The following PSMD4 variants were observed in gnomAD, a reference collection of about 807,000 sequenced individuals.
The protein encoded by PSMD4 is proteasome 26S subunit ubiquitin receptor, non-ATPase 4, also known as 26S proteasome non-ATPase regulatory subunit 4.
PSMD4 carries 5 observed loss-of-function variants against 39.7 expected under a neutral mutation model. The observed-to-expected ratio is 0.13, with a 90% CI of 0.07 to 0.26. The LOEUF is 0.26. Among genes scored for constraint, PSMD4 ranks in the 10% least tolerant of loss-of-function variants. The probability of loss-of-function intolerance (pLI) is 1.00; values close to 1 mark genes in which losing one functional copy is unlikely to be tolerated. For synonymous variants in PSMD4, 143 were observed against 174.6 expected (o/e 0.82, Z 1.43); for missense variants, 272 against 486.1 (o/e 0.56, Z 4.14).
At chr1:151,258,459 T>C (rs955727993) in intron 1 of PSMD4, among the ~76,000 whole-genome samples, 4 of 108,094 alleles carry the variant, frequency 3.7e-5, no homozygotes, top group Admixed American at 3.0e-4. Context: ...GTGTTTTTTT[T>C]TTTTTTTTTT....
Position 151,262,227 on chromosome 1 carries a change from T to C in PSMD4, c.93T>C (p.Asp31=). ...FLPTRLQAQQ[D]AVNIVCHSKT... The stretch of plus-strand genomic sequence containing the variant: ...CCACCAGGCTGCAGGCCCAGCAGGA[T>C]GCTGTCAACATAGTTTGTCATTCAA... Residue 31 remains aspartate, a synonymous_variant, in exon 2 of 10, where the codon GAT becomes GAC. Coordinates refer to ENST00000368884, the MANE Select transcript of PSMD4 (RefSeq NM_002810.4). The C allele has an allele frequency of 6.2e-7, 1 of 1,614,204 alleles. No homozygotes were observed. Among genetic ancestry groups the C allele is most frequent in the Non-Finnish European group, 8.5e-7 (1 of 1,180,036 alleles).
rs144527399 is a variant in PSMD4, at chr1:151,265,219, C to T, written c.423C>T (p.Ile141=). Residue 141 remains isoleucine, a synonymous_variant, in exon 5 of 10, where the codon ATC becomes ATT. Coordinates refer to ENST00000368884, the MANE Select transcript of PSMD4 (RefSeq NM_002810.4). The part of the protein sequence containing the change: ...LKKEKVNVDI[I]NFGEEEVNTE... ...AGGAGAAAGTAAATGTTGACATTAT[C>T]AATTTTGGGGAAGAGGTGAGTAGGG... 3 of 1,613,284 alleles carry T rather than the reference C, an allele frequency of 1.9e-6. No homozygotes were observed. Among genetic ancestry groups the T allele is most frequent in the African/African-American group, 2.7e-5 (2 of 74,868 alleles).
intron 6 of PSMD4, 51 bp from the exon 7 acceptor site, chr1:151,265,953 C>T: frequency 6.6e-7 from 1 of 1,516,928 alleles, no homozygotes; most frequent in South Asian, 1.3e-5. Context: ...TTCCCAGCTC[C>T]CTGTAGGAGT....
intron 2 of PSMD4, among the ~76,000 whole-genome samples, chr1:151,263,388 C>T (rs888619778): frequency 1.3e-5 from 2 of 152,014 alleles, no homozygotes; most frequent in African/African-American, 4.8e-5. Flanking sequence ...TACTTGAACC[C>T]GGGAGGCGGA....
At chr1:151,265,088 G>A in intron 4 of PSMD4, 78 bp from the exon 5 acceptor site, 1 of 1,382,040 alleles carries the variant, frequency 7.2e-7, no homozygotes, top group South Asian at 1.3e-5. Flanking sequence ...ATAGATTTCT[G>A]TATGCTTTTA....
chr1:151,264,099 C>A, intron 3 of PSMD4, 71 bp downstream of exon 3: 1 of 1,182,908 alleles, frequency 8.5e-7, no homozygotes, highest in Non-Finnish European at 1.2e-6. Flanking sequence ...ACTCATTTCT[C>A]CCCTGGAATC....
chr1:151,263,308 A>G (rs1693352088), intron 2 of PSMD4, among the ~76,000 whole-genome samples: 1 of 152,046 alleles, frequency 6.6e-6, no homozygotes, highest in Admixed American at 6.6e-5. Context: ...TACTAAAAAT[A>G]CAAAAATTAG....
intron 1 of PSMD4, among the ~76,000 whole-genome samples, chr1:151,256,361 AAT>A (rs1411970464): frequency 1.9e-3 from 53 of 27,362 alleles, no homozygotes; most frequent in South Asian, 4.0e-3. Context: ...AAAAAATAAT[AAT>A]AAAATAAATA....
At chr1:151,264,728 A>T (rs587722204) in intron 3 of PSMD4, 104 bp from the exon 4 acceptor site, 1 of 855,780 alleles carries the variant, frequency 1.2e-6, no homozygotes, top group Admixed American at 2.0e-5. Flanking sequence ...TAGATGGTGT[A>T]CTTCAGGTAC....
Position 151,264,017 on chromosome 1 carries a change from C to T in PSMD4, c.271C>T (p.Arg91Cys), listed in dbSNP as rs1292583615. 11 of 1,596,404 alleles carry T rather than the reference C, an allele frequency of 6.9e-6. No homozygotes were observed. The highest frequency in any genetic ancestry group is 3.4e-5 in the Admixed American group (2 of 58,024). ...CAAGATCACCTTCTGCACGGGCATCCGCGTGGCCCATGTGAGTCCTACTGG... is the reference window on the plus strand; with the variant it reads ...CAAGATCACCTTCTGCACGGGCATCTGCGTGGCCCATGTGAGTCCTACTGG... ...KGKITFCTGI[R>C]VAHLALKHRQ... is the part of the protein sequence containing the mutation. Residue 91 changes from arginine (R) to cysteine (C), a missense_variant, in exon 3 of 10, where the codon CGC becomes TGC. By Grantham distance (180) the Arg-to-Cys change is radical (BLOSUM62 -3). Coordinates refer to ENST00000368884, the MANE Select transcript of PSMD4 (RefSeq NM_002810.4).
chr1:151,266,488 T>C (rs1482255883), intron 8 of PSMD4, 32 bp from the exon 9 acceptor site: 2 of 1,614,026 alleles, frequency 1.2e-6, no homozygotes, highest in African/African-American at 1.3e-5. Flanking sequence ...GGTGAGGAAG[T>C]GTAACTGAAC....
intron 2 of PSMD4, 86 bp from the exon 3 acceptor site, chr1:151,263,828 T>G (rs1693369797): frequency 2.0e-6 from 2 of 997,918 alleles, no homozygotes; most frequent in Non-Finnish European, 1.5e-6. Flanking sequence ...AGACTCCGTC[T>G]AAAAAATAAA....
At chr1:151,262,350 A>C (rs1455682832) in intron 2 of PSMD4, 49 bp downstream of exon 2, 1 of 1,606,738 alleles carries the variant, frequency 6.2e-7, no homozygotes, top group Admixed American at 1.7e-5. Flanking sequence ...TGGTTGTTAC[A>C]TGCTACTCTT....
intron 2 of PSMD4, among the ~76,000 whole-genome samples, chr1:151,263,205 T>C (rs1417823293): frequency 3.3e-5 from 5 of 152,198 alleles, no homozygotes; most frequent in Admixed American, 3.3e-4. Context: ...GGCTCACGCC[T>C]GTAATCCCTG....
At chr1:151,257,074 G>A (rs1693192501) in intron 1 of PSMD4, among the ~76,000 whole-genome samples, 1 of 152,154 alleles carries the variant, frequency 6.6e-6, no homozygotes, top group Admixed American at 6.6e-5. Flanking sequence ...TTATAGTTTT[G>A]GGTTTTACCT....
Position 151,262,184 on chromosome 1 carries a change from G to A in PSMD4, c.50G>A (p.Arg17Gln), listed in dbSNP as rs1239968019. ...MVCVDNSEYMRNGDFLPTRLQ... is the reference protein window; with the variant it reads ...MVCVDNSEYMQNGDFLPTRLQ... Reference sequence around the variant, plus strand: ...AGTGTGGACAACAGTGAGTATATGCGGAATGGAGACTTCTTACCCACCAGG... The same window carrying A: ...AGTGTGGACAACAGTGAGTATATGCAGAATGGAGACTTCTTACCCACCAGG... Residue 17 changes from arginine to glutamine, a missense_variant, in exon 2 of 10, where the codon CGG becomes CAG. Physicochemically the swap from Arg to Gln is conservative, Grantham distance 43. Transcript: ENST00000368884. 18 of 1,614,134 alleles carry A rather than the reference G, an allele frequency of 1.1e-5. No homozygotes were observed. The highest frequency in any genetic ancestry group is 6.7e-5 in the Admixed American group (4 of 59,996).
intron 1 of PSMD4, 74 bp downstream of exon 1, chr1:151,254,882 T>TG: frequency 3.1e-6 from 3 of 967,390 alleles, no homozygotes; most frequent in Non-Finnish European, 4.3e-6. Context: ...AGGGAGGGCC[T>TG]GGGGTGGGGG....
At chr1:151,265,936 A>T in intron 6 of PSMD4, 68 bp from the exon 7 acceptor site, 1 of 1,501,820 alleles carries the variant, frequency 6.7e-7, no homozygotes, top group Non-Finnish European at 8.9e-7. Flanking sequence ...CCACACCCCA[A>T]CTGACTTTCC....
At chr1:151,256,101 T>A (rs1182408265) in intron 1 of PSMD4, among the ~76,000 whole-genome samples, 2 of 151,940 alleles carry the variant, frequency 1.3e-5, no homozygotes, top group Non-Finnish European at 2.9e-5. Context: ...CCCAGCACTT[T>A]GGAAGGCTGA....
Sources: allele counts gnomAD v4.1 joint callset (sites outside exome capture counted in the v4.1 genomes callset), GRCh38; gene constraint gnomAD v4.1.1; transcripts MANE v1.5; gene names NCBI Gene and HGNC (gene_info 2026-07-23, HGNC 2026-07-21).